PID1: variants seen among roughly 807,000 people sequenced by gnomAD.
PID1 encodes phosphotyrosine interaction domain containing 1.
Under a neutral mutation model 19.1 loss-of-function variants are expected in PID1, and 10 were observed. The observed-to-expected ratio is 0.52, with a 90% confidence interval of 0.32 to 0.89. The LOEUF is 0.89. Among genes scored for constraint, PID1 ranks in the 40% least tolerant of loss-of-function variants. The pLI, the probability that PID1 is intolerant of heterozygous loss-of-function variation, is 0.03. For synonymous variants in PID1, 130 were observed against 116.0 expected, an observed-to-expected ratio of 1.12 and a Z score of -0.78; for missense variants, 248 against 285.3, an observed-to-expected ratio of 0.87 and a Z score of 0.94.
intron 2 of PID1, among the ~76,000 whole-genome samples, chr2:229,084,032 T>TCA (rs1220630873): frequency 1.3e-5 from 2 of 152,208 alleles, no homozygotes; most frequent in African/African-American, 4.8e-5. Flanking sequence ...CTTCAGTGAA[T>TCA]GATTATAAAC....
At chr2:229,256,106 C>T (rs1049453594) in intron 1 of PID1, among the ~76,000 whole-genome samples, 5 of 152,160 alleles carry the variant, frequency 3.3e-5, no homozygotes, top group African/African-American at 1.2e-4. Context: ...AGCTGAACTA[C>T]ATTGGTGTCC....
intron 2 of PID1, among the ~76,000 whole-genome samples, chr2:229,105,286 TG>T (rs759812106): frequency 3.9e-5 from 6 of 152,146 alleles, no homozygotes; most frequent in Non-Finnish European, 5.9e-5. Flanking sequence ...ACCAGCGCCA[TG>T]TGGAAAGGAA....
chr2:229,212,152 A>G (rs6734250), intron 1 of PID1, among the ~76,000 whole-genome samples: 150,595 of 152,294 alleles, frequency 0.99, 74,472 homozygotes, highest in East Asian at 1. Context: ...GAGGGAGGGG[A>G]TAGGACAAAG....
intron 1 of PID1, among the ~76,000 whole-genome samples, chr2:229,191,255 A>C (rs1464441736): frequency 6.6e-6 from 1 of 152,148 alleles, no homozygotes; most frequent in African/African-American, 2.4e-5. Context: ...GCAAATCGCC[A>C]CCGATGGAGA....
intron 1 of PID1, among the ~76,000 whole-genome samples, chr2:229,203,250 A>G (rs1691536472): frequency 6.6e-6 from 1 of 152,086 alleles, no homozygotes; most frequent in Non-Finnish European, 1.5e-5. Flanking sequence ...ATCAGTGTTC[A>G]GCTCTCATTG....
chr2:229,073,157 C>T (rs997474105), intron 2 of PID1, among the ~76,000 whole-genome samples: 2 of 152,196 alleles, frequency 1.3e-5, no homozygotes, highest in Non-Finnish European at 2.9e-5. Flanking sequence ...TCCTGAGTAG[C>T]TGGGACTACC....
At chr2:229,211,560 T>C (rs920352382) in intron 1 of PID1, among the ~76,000 whole-genome samples, 1 of 152,218 alleles carries the variant, frequency 6.6e-6, no homozygotes, top group African/African-American at 2.4e-5. Context: ...GGAGAAATGC[T>C]CTCCAGGATA....
intron 2 of PID1, among the ~76,000 whole-genome samples, chr2:229,151,238 C>T (rs17676208): frequency 0.096 from 14,538 of 152,166 alleles, 874 homozygotes; most frequent in East Asian, 0.29. Context: ...TTTCAAGAGG[C>T]ACCTGTGGAT....
At chr2:229,090,157 C>T (rs571510180) in intron 2 of PID1, among the ~76,000 whole-genome samples, 208 of 152,242 alleles carry the variant, frequency 1.4e-3, no homozygotes, top group Non-Finnish European at 2.7e-3. Context: ...GCTCATCCAC[C>T]CACCAATCAG....
intron 1 of PID1, among the ~76,000 whole-genome samples, chr2:229,268,338 A>G (rs78366626): frequency 0.11 from 16,732 of 152,266 alleles, 1,110 homozygotes; most frequent in Middle Eastern, 0.21. Flanking sequence ...GCCAGTTGCT[A>G]CACTCAAAAG....
At chr2:229,039,205 A>C (rs1322308295) in intron 2 of PID1, among the ~76,000 whole-genome samples, 2 of 152,174 alleles carry the variant, frequency 1.3e-5, no homozygotes, top group African/African-American at 4.8e-5. Context: ...ATTATTAGTA[A>C]AGTTTGGTAC....
intron 1 of PID1, among the ~76,000 whole-genome samples, chr2:229,185,800 A>G (rs1691117409): frequency 6.6e-6 from 1 of 152,174 alleles, no homozygotes; most frequent in Non-Finnish European, 1.5e-5. Flanking sequence ...TAGCCAAATC[A>G]TATCATTCTA....
chr2:229,079,939 C>A (rs1460374749), intron 2 of PID1, among the ~76,000 whole-genome samples: 1 of 152,138 alleles, frequency 6.6e-6, no homozygotes, highest in Non-Finnish European at 1.5e-5. Context: ...GGAGCACTGG[C>A]ATGGAAGCTG....
intron 2 of PID1, among the ~76,000 whole-genome samples, chr2:229,136,476 G>A (rs2106173862): frequency 6.6e-6 from 1 of 152,258 alleles, no homozygotes; most frequent in South Asian, 2.1e-4. Flanking sequence ...GTACAACAGT[G>A]TTTTCTGGTA....
chr2:229,032,641 C>T (rs1693579462), intron 2 of PID1, among the ~76,000 whole-genome samples: 1 of 152,198 alleles, frequency 6.6e-6, no homozygotes, highest in Admixed American at 6.5e-5. Flanking sequence ...GGAAAAGTAA[C>T]AACTAGCTGG....
chr2:229,261,742 T>G (rs1690465389), intron 1 of PID1, among the ~76,000 whole-genome samples: 1 of 152,184 alleles, frequency 6.6e-6, no homozygotes, highest in South Asian at 2.1e-4. Context: ...CCAGAATGAC[T>G]CTTCACTCTC....
Position 229,024,627 on chromosome 2 carries a change from G to T in PID1, c.*1005C>A, listed in dbSNP as rs1252080411. On this transcript the variant is annotated 3_prime_UTR_variant, in exon 3 of 3. Coordinates refer to ENST00000392055, the MANE Select transcript of PID1 (RefSeq NM_001100818.2). ...TGCAATGCTGAGTGATGGGGGCAAG[G>T]TTTCCTCGGTGATACCAAATCAGAT... is the stretch of plus-strand genomic sequence containing the variant. 3 of 152,604 alleles carry T rather than the reference G, an allele frequency of 2.0e-5. No individual in the cohort carries two copies. In the East Asian group the frequency reaches 5.8e-4, roughly 29 times the overall value. The allele number at this position is 152,604 out of a possible 1,614,324, so 9.5% of individuals were successfully genotyped here.
intron 1 of PID1, among the ~76,000 whole-genome samples, chr2:229,217,684 T>A (rs1691878497): frequency 6.6e-6 from 1 of 152,212 alleles, no homozygotes; most frequent in Admixed American, 6.5e-5. Flanking sequence ...AGATACTCAA[T>A]GTGAAATGAA....
intron 1 of PID1, among the ~76,000 whole-genome samples, chr2:229,248,689 C>T (rs930741892): frequency 2.0e-5 from 3 of 152,036 alleles, no homozygotes; most frequent in African/African-American, 7.2e-5. Context: ...GAAGAGCTTA[C>T]CTTTCTTATC....
Sources: gnomAD v4.1 joint callset for allele counts (sites outside exome capture counted in the v4.1 genomes callset) on GRCh38, gnomAD v4.1.1 for gene constraint, MANE v1.5 for transcripts, NCBI Gene and HGNC (gene_info 2026-07-23, HGNC 2026-07-21) for gene names.